The following LONP2 variants were observed in gnomAD, a reference collection of about 807,000 sequenced individuals.
LONP2 encodes lon peptidase 2, peroxisomal.
LONP2 carries 60 observed loss-of-function variants against 85.6 expected under a neutral mutation model. The observed-to-expected ratio is 0.70, with a 90% CI of 0.57 to 0.87. The LOEUF (loss-of-function observed/expected upper bound fraction) is 0.87. Ranked by LOEUF, LONP2 falls within the 40% of genes least tolerant of loss-of-function variation. The pLI is 0.00. For synonymous variants in LONP2, 395 were observed against 389.7 expected (o/e 1.01, Z -0.16); for missense variants, 860 against 1,063.5 (o/e 0.81, Z 2.66).
downstream of LONP2, chr16:48,360,848 A>G (rs1025511261): frequency 6.6e-6 from 1 of 152,290 alleles, no homozygotes; most frequent in Non-Finnish European, 1.5e-5. Context: ...GATGCTTTAA[A>G]TAGCTTTTGA....
At chr16:48,282,410 CA>C (rs773913986) in intron 8 of LONP2, among the ~76,000 whole-genome samples, 31,654 of 83,918 alleles carry the variant, frequency 0.38, 3,499 homozygotes, top group Middle Eastern at 0.51. Context: ...GACTCTGTCT[CA>C]AAAAAAAAAA....
intron 13 of LONP2, 67 bp from the exon 14 acceptor site, chr16:48,348,033 T>C (rs1960023204): frequency 7.0e-7 from 1 of 1,424,594 alleles, no homozygotes. Flanking sequence ...TTTGTGACTT[T>C]TTTTTTAGGA....
At chr16:48,246,359 T>C (rs1971386294) in intron 1 of LONP2, among the ~76,000 whole-genome samples, 2 of 152,224 alleles carry the variant, frequency 1.3e-5, no homozygotes, top group African/African-American at 4.8e-5. Context: ...TGCTTACTTT[T>C]CCCAAATTAT....
At chr16:48,287,882 CAG>C (rs1193182399) in intron 8 of LONP2, among the ~76,000 whole-genome samples, 6 of 152,310 alleles carry the variant, frequency 3.9e-5, no homozygotes, top group Admixed American at 2.6e-4. Context: ...AGCAGATTTT[CAG>C]AGTTTCTTAC....
rs1175002634 is a variant in LONP2 at position 48,362,780 on chromosome 16, C to T, written c.*917C>T. 1 of 221,320 alleles carries T rather than the reference C, an allele frequency of 4.5e-6. No individual in the cohort carries two copies. The highest frequency in any genetic ancestry group is 9.8e-6 in the Non-Finnish European group (1 of 101,944). The allele number at this position is 221,320 out of a possible 1,614,324, so 13.7% of individuals were successfully genotyped here. A position where few individuals can be genotyped will look rare whatever the true frequency, so the allele number is the denominator to read the frequency against. On this transcript the variant is annotated 3_prime_UTR_variant, in exon 5 of 5. Coordinates refer to the LONP2 transcript ENST00000565867. The surrounding 1 kb of genome is among the most constrained non-coding windows in gnomAD (Gnocchi z 4.2). ...CAAGGAACTGAAGTTTAATCGAATCCGTTTTGCTAGGACTCTCCCTGAGGC... is the reference window on the plus strand; with the variant it reads ...CAAGGAACTGAAGTTTAATCGAATCTGTTTTGCTAGGACTCTCCCTGAGGC...
chr16:48,273,960 G>A (rs1972154348), intron 7 of LONP2, among the ~76,000 whole-genome samples: 1 of 152,112 alleles, frequency 6.6e-6, no homozygotes, highest in African/African-American at 2.4e-5. Flanking sequence ...TATGCAACCT[G>A]AAATGGTAAA....
intron 11 of LONP2, 88 bp from the exon 12 acceptor site, chr16:48,334,128 A>G (rs915075109): frequency 1.2e-5 from 15 of 1,234,494 alleles, no homozygotes; most frequent in Admixed American, 4.1e-5. Flanking sequence ...TTTGAGGTCC[A>G]CTGGGCTTTT....
chr16:48,321,174 C>T (rs1044471775), intron 11 of LONP2, among the ~76,000 whole-genome samples: 5 of 152,168 alleles, frequency 3.3e-5, no homozygotes, highest in African/African-American at 7.2e-5. Flanking sequence ...CGTGAGCCAC[C>T]GCGCCCGGCC....
intron 8 of LONP2, among the ~76,000 whole-genome samples, chr16:48,286,670 A>G (rs1972450412): frequency 6.6e-6 from 1 of 150,796 alleles, no homozygotes; most frequent in African/African-American, 2.4e-5. Context: ...ATGCCTGGCC[A>G]ATTTTTTGTA....
At position 48,252,111 on chromosome 16, in the gene LONP2, A is replaced by G. The variant is rs1971665279; in HGVS notation, c.234-20A>G. 6.5e-7 allele frequency: 1 copy of G among 1,532,156 alleles called. No homozygotes were observed. The highest frequency in any genetic ancestry group is 1.9e-5 in the Admixed American group (1 of 51,776). 94.9% of individuals were successfully genotyped at this position (1,532,156 alleles called of 1,614,324 possible). A position where few individuals can be genotyped will look rare whatever the true frequency, so the allele number is the denominator to read the frequency against. On this transcript the variant is annotated intron_variant, in intron 1 of 14. Transcript: ENST00000285737. ...ACCGTATTGAATGTTTGTAATACCGATGTTTTGTGTGTTTTTCAGGATTGG... is the reference window on the plus strand; with the variant it reads ...ACCGTATTGAATGTTTGTAATACCGGTGTTTTGTGTGTTTTTCAGGATTGG...
At chr16:48,330,949 T>C (rs1219297940) in intron 11 of LONP2, among the ~76,000 whole-genome samples, 1 of 152,216 alleles carries the variant, frequency 6.6e-6, no homozygotes. Context: ...TGGAAAAGGA[T>C]TGGATGTCCT....
At position 48,352,776 on chromosome 16, in the gene LONP2, C is replaced by T. The variant is rs1960191211; in HGVS notation, c.*974C>T. ...CGTGCTGGCACACCTCACAGAAGCA[C>T]CCTGGCCCTGGATGCCTGCAACCTC... On this transcript the variant is annotated 3_prime_UTR_variant, in exon 15 of 15. Coordinates refer to ENST00000285737, the MANE Select transcript of LONP2 (RefSeq NM_031490.5). 6.6e-6 allele frequency: 1 copy of T among 152,332 alleles called. No homozygotes were observed. Among genetic ancestry groups the T allele is most frequent in the Non-Finnish European group, 1.5e-5 (1 of 68,136 alleles). The allele number at this position is 152,332 out of a possible 1,614,324, so 9.4% of individuals were successfully genotyped here. A position where few individuals can be genotyped will look rare whatever the true frequency, so the allele number is the denominator to read the frequency against.
chr16:48,273,005 T>A (rs990684425), intron 7 of LONP2, among the ~76,000 whole-genome samples: 5 of 152,120 alleles, frequency 3.3e-5, no homozygotes, highest in African/African-American at 1.2e-4. Flanking sequence ...GGGGAACATG[T>A]GGTTCCATGT....
chr16:48,272,722 A>G (rs1202926096), intron 7 of LONP2, among the ~76,000 whole-genome samples: 1 of 152,216 alleles, frequency 6.6e-6, no homozygotes, highest in Non-Finnish European at 1.5e-5. Flanking sequence ...AGTGTTACTT[A>G]GCCATCAGTG....
chr16:48,323,679 A>C (rs1249317749), intron 11 of LONP2, among the ~76,000 whole-genome samples: 1 of 152,120 alleles, frequency 6.6e-6, no homozygotes, highest in Non-Finnish European at 1.5e-5. Flanking sequence ...AAAACAACTA[A>C]AATTGAAAAA....
intron 8 of LONP2, among the ~76,000 whole-genome samples, chr16:48,283,524 C>T (rs1470474271): frequency 6.6e-6 from 1 of 152,186 alleles, no homozygotes; most frequent in Non-Finnish European, 1.5e-5. Flanking sequence ...GCAAAATCTA[C>T]TCTGCCTTTG....
At chr16:48,279,432 CT>C (rs1243111391) in intron 8 of LONP2, among the ~76,000 whole-genome samples, 1 of 152,086 alleles carries the variant, frequency 6.6e-6, no homozygotes, top group Non-Finnish European at 1.5e-5. Context: ...CTTCCTGTCT[CT>C]TGCCTTGAGA....
At chr16:48,346,067 G>C (rs1369080809) in intron 12 of LONP2, 1 of 148,522 alleles carries the variant, frequency 6.7e-6, no homozygotes, top group African/African-American at 2.5e-5. Context: ...AAAAAAAAGA[G>C]GAAAAGAAGT....
chr16:48,306,624 G>A (rs1285242502), intron 11 of LONP2, among the ~76,000 whole-genome samples: 2 of 152,070 alleles, frequency 1.3e-5, no homozygotes, highest in Non-Finnish European at 2.9e-5. Flanking sequence ...CTCCAAGTTG[G>A]CTCTAATATT....
Sources: gnomAD v4.1 joint callset for allele counts (sites outside exome capture counted in the v4.1 genomes callset) on GRCh38, gnomAD v4.1.1 for gene constraint, Gnocchi (gnomAD v3.1) non-coding constraint, MANE v1.5 for transcripts, NCBI Gene and HGNC (gene_info 2026-07-23, HGNC 2026-07-21) for gene names.